Variants in RTN4 observed in about 807,000 individuals in gnomAD.
The protein encoded by RTN4 is reticulon 4.
A neutral mutation model predicts 90.4 loss-of-function variants in RTN4; 32 were observed. That is an observed-to-expected ratio of 0.35 (90% confidence interval 0.27 to 0.48). The LOEUF is 0.48. Among genes scored for constraint, RTN4 ranks in the 20% least tolerant of loss-of-function variants. The probability of loss-of-function intolerance (pLI) is 0.99; values close to 1 mark genes in which losing one functional copy is unlikely to be tolerated. For synonymous variants in RTN4, 629 were observed against 552.5 expected (o/e 1.14, Z -1.94); for missense variants, 1,706 against 1,430.2 (o/e 1.19, Z -3.11).
At chr2:54,974,836 ATCCCATC>A in intron 5 of RTN4, 72 bp from the exon 6 acceptor site, 2 of 1,330,396 alleles carry the variant, frequency 1.5e-6, no homozygotes, top group Non-Finnish European at 2.2e-6. Context: ...TTTCAAAAGC[ATCCCATC>A]TAAATGCCTA....
At chr2:55,116,708 C>A (rs1233820603), upstream of RTN4, among the ~76,000 whole-genome samples, 1 of 152,102 alleles carries the variant, frequency 6.6e-6, no homozygotes, top group African/African-American at 2.4e-5. Context: ...GAGGCAGGAC[C>A]AGAATTCAGG....
At chr2:55,074,517 C>CAAAAAAA (rs778275041) in intron 2 of RTN4, among the ~76,000 whole-genome samples, 3 of 59,628 alleles carry the variant, frequency 5.0e-5, no homozygotes, top group Non-Finnish European at 7.2e-5. Context: ...CTGCCCTCAC[C>CAAAAAAA]AAAAAAAAAA....
intron 2 of RTN4, among the ~76,000 whole-genome samples, chr2:55,077,917 C>T (rs1406338644): frequency 1.3e-5 from 2 of 151,818 alleles, no homozygotes; most frequent in African/African-American, 4.8e-5. Context: ...AATGGAAAAC[C>T]AGACATTGTA....
At chr2:55,032,309 C>A (rs1214617062) in intron 1 of RTN4, among the ~76,000 whole-genome samples, 5 of 152,084 alleles carry the variant, frequency 3.3e-5, no homozygotes, top group African/African-American at 1.2e-4. Context: ...AAACTCCTGA[C>A]CTCAAGTGAT....
At chr2:54,975,820 A>G (rs1028318314) in intron 5 of RTN4, among the ~76,000 whole-genome samples, 1 of 152,252 alleles carries the variant, frequency 6.6e-6, no homozygotes, top group Non-Finnish European at 1.5e-5. Flanking sequence ...CAACAGTTCT[A>G]CAAATAGCAA....
At chr2:55,074,874 G>T (rs1021298788) in intron 2 of RTN4, among the ~76,000 whole-genome samples, 28 of 152,146 alleles carry the variant, frequency 1.8e-4, no homozygotes, top group African/African-American at 6.8e-4. Flanking sequence ...CACAAATCCA[G>T]CATCCCTTCA....
At chr2:55,071,632 C>T (rs1047754756) in intron 2 of RTN4, among the ~76,000 whole-genome samples, 3 of 150,812 alleles carry the variant, frequency 2.0e-5, no homozygotes, top group Non-Finnish European at 4.4e-5. Flanking sequence ...ATGCTGCAGG[C>T]GATCACTGAC....
In RTN4 at chr2:55,109,149, T is replaced by C. The variant is rs562195333; in HGVS notation, c.-214+3371A>G. On this transcript the variant is annotated intron_variant, in intron 1 of 3. Transcript: ENST00000427710. ...GATAAATTTTAAGTTCCTGAAATAC[T>C]GAAATGAAAAAAACAGTTATATATT... Among the ~76,000 whole-genome samples, 221 of 152,204 alleles carry C rather than the reference T, an allele frequency of 1.5e-3. 1 individual carries two copies. The Middle Eastern group carries it at 0.041, about 28-fold the overall frequency.
rs572817423 is a variant in RTN4 at position 54,972,514 on chromosome 2, T to G, written c.*642A>C. 2.0e-5 allele frequency: 3 copies of G among 152,778 alleles called. No homozygotes were observed. Among genetic ancestry groups the G allele is most frequent in the African/African-American group, 7.2e-5 (3 of 41,584 alleles). The allele number at this position is 152,778 out of a possible 1,614,324, so 9.5% of individuals were successfully genotyped here. Reference sequence around the variant, plus strand: ...TCTTCTAGCTTATGTGCTTTGGAACTACACATGTATAACCAATGACTGACT... The same window carrying G: ...TCTTCTAGCTTATGTGCTTTGGAACGACACATGTATAACCAATGACTGACT... On this transcript the variant is annotated 3_prime_UTR_variant, in exon 9 of 9. Transcript: ENST00000337526.
the RTN4 span, among the ~76,000 whole-genome samples, chr2:55,132,806 C>T: frequency 1.1e-4 from 9 of 79,230 alleles, no homozygotes; most frequent in Admixed American, 1.5e-4. Context: ...AGAGTGAGAC[C>T]GTCTCTCAAA....
intron 1 of RTN4, among the ~76,000 whole-genome samples, chr2:55,086,294 T>TGC (rs1301306394): frequency 1.3e-5 from 2 of 152,116 alleles, no homozygotes; most frequent in African/African-American, 4.8e-5. Flanking sequence ...CTAACTCAGA[T>TGC]TATAAGTTTA....
In RTN4 at chr2:54,991,332, C is replaced by G. The variant is rs554202473; in HGVS notation, c.3014-3634G>C. On this transcript the variant is annotated intron_variant, in intron 3 of 8. Coordinates refer to ENST00000337526, the MANE Select transcript of RTN4 (RefSeq NM_020532.5). ...CTAATCAAACTTCCTAATATTATAA[C>G]AGAGTTACTGTTTAAACAGGTGTAG... is the stretch of plus-strand genomic sequence containing the variant. Among the ~76,000 whole-genome samples the G allele has an allele frequency of 2.0e-5, 3 of 152,206 alleles. No individual in the cohort carries two copies. The South Asian group carries it at 6.2e-4, about 32-fold the overall frequency.
At chr2:55,042,718 A>G (rs966394315) in intron 1 of RTN4, among the ~76,000 whole-genome samples, 2 of 152,220 alleles carry the variant, frequency 1.3e-5, no homozygotes, top group African/African-American at 2.4e-5. Flanking sequence ...TAGTAATTCT[A>G]GAACTATACA....
upstream of RTN4, among the ~76,000 whole-genome samples, chr2:55,114,346 G>A (rs1016665581): frequency 6.6e-6 from 1 of 152,136 alleles, no homozygotes; most frequent in Non-Finnish European, 1.5e-5. Context: ...CTCTATGAAG[G>A]GGATGGAGCT....
chr2:55,124,734 A>C, the RTN4 span, among the ~76,000 whole-genome samples: 1 of 152,232 alleles, frequency 6.6e-6, no homozygotes, highest in Admixed American at 6.5e-5. Context: ...ATATGGAACA[A>C]AAAAAGAGCC....
In RTN4 at chr2:55,026,169, C is replaced by T. The variant is rs757070661; in HGVS notation, c.1930G>A (p.Val644Ile). 5 of 1,613,466 alleles carry T rather than the reference C, an allele frequency of 3.1e-6. No individual in the cohort carries two copies. The highest frequency in any genetic ancestry group is 1.7e-5 in the Admixed American group (1 of 59,842). ...PSSSPLEASS[V>I]NYESIKHEPE... ...TCATGTTTTATGCTTTCATAATTAA[C>T]TGAAGAAGCTTCTAATGGTGATGAG... Residue 644 changes from valine (V) to isoleucine (I), a missense_variant, in exon 3 of 9, where the codon GTT becomes ATT. Coordinates refer to ENST00000337526, the MANE Select transcript of RTN4 (RefSeq NM_020532.5).
chr2:54,986,124 G>A (rs1048284945), intron 4 of RTN4, among the ~76,000 whole-genome samples: 35 of 152,144 alleles, frequency 2.3e-4, no homozygotes, highest in Admixed American at 2.2e-3. Flanking sequence ...AACTCTGGAA[G>A]GGGTAAATGA....
chr2:55,102,583 C>G (rs1219422075), intron 1 of RTN4, among the ~76,000 whole-genome samples: 1 of 151,990 alleles, frequency 6.6e-6, no homozygotes, highest in Non-Finnish European at 1.5e-5. Context: ...GCAGACCTCA[C>G]AAGAATCTGG....
intron 3 of RTN4, among the ~76,000 whole-genome samples, chr2:55,014,262 T>TA (rs1323995949): frequency 6.6e-6 from 1 of 152,068 alleles, no homozygotes; most frequent in Non-Finnish European, 1.5e-5. Context: ...TTAAAGTCTA[T>TA]AAAAAATTTA....
Sources: allele counts gnomAD v4.1 joint callset (sites outside exome capture counted in the v4.1 genomes callset), GRCh38; gene constraint gnomAD v4.1.1; transcripts MANE v1.5; gene names NCBI Gene and HGNC (gene_info 2026-07-23, HGNC 2026-07-21).